LGI2: variants seen among roughly 807,000 people sequenced by gnomAD.
LGI2 encodes leucine rich repeat LGI family member 2.
In LGI2, 30 loss-of-function variants were observed where a neutral mutation model predicts 52.0. That is an observed-to-expected ratio of 0.58 (90% CI 0.43 to 0.78). LGI2 has a LOEUF of 0.78. Among genes scored for constraint, LGI2 ranks in the 30% least tolerant of loss-of-function variants. LGI2 has a pLI of 0.00. For missense variants in LGI2, 573 were observed against 692.5 expected (o/e 0.83, Z 1.94); for synonymous variants, 270 against 271.8 (o/e 0.99, Z 0.06).
intron 7 of LGI2, among the ~76,000 whole-genome samples, chr4:25,007,229 C>T (rs2324638): frequency 0.095 from 14,145 of 149,000 alleles, 1,046 homozygotes; most frequent in African/African-American, 0.21. Flanking sequence ...TGTAAAATAA[C>T]GTTTCCTTTA....
At chr4:25,012,177 A>C (rs894760052) in intron 7 of LGI2, among the ~76,000 whole-genome samples, 158 bp downstream of exon 7, 2 of 152,152 alleles carry the variant, frequency 1.3e-5, no homozygotes, top group Non-Finnish European at 2.9e-5. Flanking sequence ...ACCAAGACAA[A>C]AACTGGAGAG....
At position 25,007,579 on chromosome 4, in the gene LGI2, G is replaced by C. The variant is rs9291466; in HGVS notation, c.821-3311C>G. On this transcript the variant is annotated intron_variant, in intron 7 of 7. Coordinates refer to ENST00000382114, the MANE Select transcript of LGI2 (RefSeq NM_018176.4). ...GGAGTTGTCAGTAGCAGACAGATCA[G>C]TGTGTGTGTGTGTGTGTGTGTGTGT... Among the ~76,000 whole-genome samples the C allele has an allele frequency of 8.4e-3, 80 of 9,558 alleles. 1 individual carries two copies. Among genetic ancestry groups the C allele is most frequent in the African/African-American group, 0.076 (46 of 602 alleles). The allele number at this position is 9,558 out of a possible 152,430, so 6.3% of individuals were successfully genotyped here.
At chr4:25,017,318 C>T (rs548542593) in intron 6 of LGI2, among the ~76,000 whole-genome samples, 3 of 151,882 alleles carry the variant, frequency 2.0e-5, no homozygotes, top group South Asian at 2.1e-4. Context: ...CCAAGGTGGG[C>T]GGATGATGAG....
intron 1 of LGI2, among the ~76,000 whole-genome samples, chr4:25,029,398 G>A (rs1438387701): frequency 6.6e-6 from 1 of 152,188 alleles, no homozygotes; most frequent in Non-Finnish European, 1.5e-5. Flanking sequence ...CCTCACTCCT[G>A]GGTCCAGGCC....
intron 1 of LGI2, among the ~76,000 whole-genome samples, chr4:25,029,607 C>A (rs1416469817): frequency 2.0e-5 from 3 of 152,226 alleles, no homozygotes; most frequent in Admixed American, 2.0e-4. Flanking sequence ...CCTTCCACCG[C>A]CCTTGTGAGA....
At chr4:24,998,431 G>A (rs4697519), downstream of LGI2, among the ~76,000 whole-genome samples, 53,096 of 151,972 alleles carry the variant, frequency 0.35, 9,822 homozygotes, top group East Asian at 0.6. Flanking sequence ...AACACTGCAT[G>A]CCTACTGTGG....
chr4:25,029,793 G>A (rs1474215027), intron 1 of LGI2, among the ~76,000 whole-genome samples: 1 of 152,246 alleles, frequency 6.6e-6, no homozygotes, highest in Non-Finnish European at 1.5e-5. Context: ...CAAGAAGGCT[G>A]ACTTCAAAGC....
Position 25,012,338 on chromosome 4 carries a change from T to G in LGI2, c.817A>C (p.Thr273Pro), listed in dbSNP as rs775794998. 5.6e-6 allele frequency: 9 copies of G among 1,614,096 alleles called. No homozygotes were observed. In the African/African-American group the frequency reaches 8.0e-5, roughly 14 times the overall value. ...TCTGATCAAAGCCACAACACACCTG[T>G]AATGTTGTCATAGCTCCGGAAATTC... ...EMNFRSYDNI[T>P]GQSIVGCKAI... Residue 273 changes from threonine to proline, a missense_variant, in exon 7 of 8, where the codon ACA (threonine) becomes CCA (proline). Coordinates refer to ENST00000382114, the MANE Select transcript of LGI2 (RefSeq NM_018176.4).
intron 7 of LGI2, among the ~76,000 whole-genome samples, chr4:25,007,597 GT>G (rs1725434417): frequency 6.6e-6 from 1 of 150,602 alleles, no homozygotes; most frequent in Non-Finnish European, 1.5e-5. Flanking sequence ...GTGTGTGTGT[GT>G]GTGTGTGTGT....
Position 25,003,430 on chromosome 4 carries a change from T to C in LGI2, c.*21A>G. ...TGTGAGAGCTAATGCTACATTTCTC[T>C]TAGTTTCACCCACCACACCTTCACA... On this transcript the variant is annotated 3_prime_UTR_variant, in exon 8 of 8. Transcript: ENST00000382114. The C allele has an allele frequency of 6.7e-7, 1 of 1,500,398 alleles. No homozygotes were observed. The allele number at this position is 1,500,398 out of a possible 1,614,324, so 92.9% of individuals were successfully genotyped here. A position where few individuals can be genotyped will look rare whatever the true frequency, so the allele number is the denominator to read the frequency against.
intron 4 of LGI2, among the ~76,000 whole-genome samples, chr4:25,023,450 T>C (rs774514199): frequency 2.6e-5 from 4 of 152,238 alleles, no homozygotes; most frequent in Non-Finnish European, 5.9e-5. Context: ...CGGCCTCCCA[T>C]GTCTGCTCCC....
chr4:24,995,468 G>A (rs556666380), downstream of LGI2, among the ~76,000 whole-genome samples: 4 of 152,340 alleles, frequency 2.6e-5, no homozygotes, highest in African/African-American at 9.6e-5. Flanking sequence ...CTGAAGGCTT[G>A]ACTGGGGCTG....
At chr4:25,028,304 A>G (rs1255651613) in intron 2 of LGI2, among the ~76,000 whole-genome samples, 2 of 152,174 alleles carry the variant, frequency 1.3e-5, no homozygotes, top group Non-Finnish European at 2.9e-5. Context: ...GAAAACAGGT[A>G]TCGAACTAAG....
intron 6 of LGI2, 104 bp from the exon 7 acceptor site, chr4:25,012,603 G>C (rs1725626675): frequency 2.7e-6 from 3 of 1,109,404 alleles, no homozygotes; most frequent in Non-Finnish European, 3.9e-6. Flanking sequence ...AAAGGACTGG[G>C]GAGGAGGAGG....
chr4:25,009,337 G>C lies in LGI2; in HGVS notation c.820+2998C>G, dbSNP rs75605135. On this transcript the variant is annotated intron_variant, in intron 7 of 7. Transcript: ENST00000382114. ...TTTGGACTTGCTGCTCCCTTTGCCT[G>C]GAATGCTCTTCCCCCCTCTCCATGC... Among the ~76,000 whole-genome samples the C allele has an allele frequency of 8.7e-3, 1,328 of 152,182 alleles. 19 individuals carry two copies. Among genetic ancestry groups the C allele is most frequent in the African/African-American group, 0.03 (1,231 of 41,504 alleles).
At chr4:25,029,670 G>C (rs1029890054) in intron 1 of LGI2, among the ~76,000 whole-genome samples, 4 of 152,218 alleles carry the variant, frequency 2.6e-5, no homozygotes, top group Non-Finnish European at 5.9e-5. Flanking sequence ...AGCACCTCTC[G>C]GCAGGTGGAT....
At position 25,030,713 on chromosome 4, in the gene LGI2, C is replaced by A; in HGVS notation, c.-20G>T. ...CGCCATGCCCGGTCCCCGCTCCCCG[C>A]CCGGGCCCCGACCCCCACCGCCGCG... On this transcript the variant is annotated 5_prime_UTR_variant, in exon 1 of 8. Transcript: ENST00000382114. 8.1e-7 allele frequency: 1 copy of A among 1,239,460 alleles called. No homozygotes were observed. Among genetic ancestry groups the A allele is most frequent in the Non-Finnish European group, 1.0e-6 (1 of 993,042 alleles). The allele number at this position is 1,239,460 out of a possible 1,614,324, so 76.8% of individuals were successfully genotyped here.
chr4:24,995,040 T>C (rs539169145), downstream of LGI2, among the ~76,000 whole-genome samples: 2 of 152,350 alleles, frequency 1.3e-5, no homozygotes, highest in East Asian at 3.9e-4. Context: ...CCCTGGATTT[T>C]TTAGCTAAAT....
chr4:25,011,780 T>C (rs1184130778), intron 7 of LGI2, among the ~76,000 whole-genome samples: 1 of 152,176 alleles, frequency 6.6e-6, no homozygotes, highest in African/African-American at 2.4e-5. Flanking sequence ...TGGGATCCCA[T>C]GACGGCACTG....
Sources: gnomAD v4.1 joint callset for allele counts (sites outside exome capture counted in the v4.1 genomes callset) on GRCh38, gnomAD v4.1.1 for gene constraint, MANE v1.5 for transcripts, NCBI Gene and HGNC (gene_info 2026-07-23, HGNC 2026-07-21) for gene names.